Variants in UBR4 observed in about 807,000 individuals in gnomAD.
UBR4 encodes the protein ubiquitin protein ligase E3 component n-recognin 4.
A neutral mutation model predicts 575.6 loss-of-function variants in UBR4; 124 were observed. That is an observed-to-expected ratio of 0.22 (90% CI 0.19 to 0.25). UBR4 has a LOEUF of 0.25. Among genes scored for constraint, UBR4 ranks in the 10% least tolerant of loss-of-function variants. The pLI, the probability that UBR4 is intolerant of heterozygous loss-of-function variation, is 1.00. For synonymous variants in UBR4, 2,455 were observed against 2,473.7 expected, an observed-to-expected ratio of 0.99 and a Z score of 0.22; for missense variants, 4,818 against 6,478.8, an observed-to-expected ratio of 0.74 and a Z score of 8.80.
rs2078507003 is a variant in UBR4 at position 19,100,354 on chromosome 1, A to T, written c.13221+22T>A. ...GAAGCCCCTAATCGTAAACGTGGGC[A>T]GCACTGTCCTATGGTCATTACCTCC... On this transcript the variant is annotated intron_variant, in intron 89 of 105. Transcript: ENST00000375254. The surrounding 1 kb of genome is among the most constrained non-coding windows in gnomAD (Gnocchi z 4.2). The T allele has an allele frequency of 6.2e-7, 1 of 1,613,354 alleles. No individual in the cohort carries two copies. Among genetic ancestry groups the T allele is most frequent in the African/African-American group, 1.3e-5 (1 of 74,918 alleles).
At chr1:19,179,445 A>G (rs2090638890) in intron 17 of UBR4, among the ~76,000 whole-genome samples, 1 of 152,256 alleles carries the variant, frequency 6.6e-6, no homozygotes, top group African/African-American at 2.4e-5. Context: ...ATTAACATTT[A>G]TAGTTAATGA....
intron 42 of UBR4, among the ~76,000 whole-genome samples, chr1:19,155,874 A>T (rs1363507882): frequency 6.6e-6 from 1 of 152,246 alleles, no homozygotes; most frequent in Non-Finnish European, 1.5e-5. Flanking sequence ...GGACAGACAT[A>T]CATAAATAAA....
rs1384789151 is a variant in UBR4, at chr1:19,081,985, T to A, written c.15009-412A>T. 10 of 584,426 alleles carry A rather than the reference T, an allele frequency of 1.7e-5. No homozygotes were observed. In the East Asian group the frequency reaches 2.2e-4, roughly 13 times the overall value. 36.2% of individuals were successfully genotyped at this position (584,426 alleles called of 1,614,324 possible). ...CTAGTGAGTGATGGGGCCAAAAACA[T>A]GAATCAAGATTCCCTGGTGGGTCCA... On this transcript the variant is annotated intron_variant, in intron 102 of 105. Transcript: ENST00000375254.
intron 19 of UBR4, 130 bp downstream of exon 19, chr1:19,177,331 C>G: frequency 8.9e-7 from 1 of 1,120,824 alleles, no homozygotes; most frequent in Non-Finnish European, 1.3e-6. Flanking sequence ...TCCTCCTAAT[C>G]CTACCCATCA....
intron 64 of UBR4, among the ~76,000 whole-genome samples, chr1:19,126,193 C>G (rs1267088394): frequency 6.6e-6 from 1 of 152,148 alleles, no homozygotes; most frequent in African/African-American, 2.4e-5. Context: ...TTTTTCTAAA[C>G]TTAATGTGAA....
chr1:19,128,067 G>A (rs1399552112), intron 62 of UBR4, 144 bp downstream of exon 62: 21 of 797,886 alleles, frequency 2.6e-5, no homozygotes, highest in South Asian at 9.7e-5. Context: ...CCCTGAATAC[G>A]CTTTTGTTGA....
In UBR4 at chr1:19,146,805, G is replaced by A. The variant is rs747100640; in HGVS notation, c.7804+21C>T. The A allele has an allele frequency of 1.8e-5, 29 of 1,605,816 alleles. No individual in the cohort carries two copies. The East Asian group carries it at 3.1e-4, about 17-fold the overall frequency. On this transcript the variant is annotated intron_variant, in intron 52 of 105. Coordinates refer to ENST00000375254, the MANE Select transcript of UBR4 (RefSeq NM_020765.3). ...CATATGAAGCAGATCTCAGGACCACGGCCACAGAGGCCAAGTTCACCTGTT... is the reference window on the plus strand; with the variant it reads ...CATATGAAGCAGATCTCAGGACCACAGCCACAGAGGCCAAGTTCACCTGTT...
At chr1:19,156,523 C>T (rs1219724142) in intron 41 of UBR4, 100 bp from the exon 42 acceptor site, 16 of 1,440,018 alleles carry the variant, frequency 1.1e-5, no homozygotes, top group Non-Finnish European at 1.5e-5. Flanking sequence ...CTAATATCCC[C>T]TGCCTTCAGA....
chr1:19,201,179 AT>A (rs535731639), intron 2 of UBR4, among the ~76,000 whole-genome samples: 89 of 152,324 alleles, frequency 5.8e-4, no homozygotes, highest in African/African-American at 2.1e-3. Context: ...CTTCAGAACT[AT>A]TTGAGTCAAG....
At position 19,124,577 on chromosome 1, in the gene UBR4, A is replaced by T. The variant is rs778777908; in HGVS notation, c.9552T>A (p.Pro3184=). The change falls in exon 65 of 106, where the codon CCT becomes CCA. Residue 3184 remains proline (P), a synonymous_variant. Coordinates refer to ENST00000375254, the MANE Select transcript of UBR4 (RefSeq NM_020765.3). ...ITDTNSRIPP[P]VFDHSWFYFL... Reference sequence around the variant, plus strand: ...AGTAAAACCACGAGTGGTCAAAGACAGGAGGTGGGATTCGAGAATTGGTGT... The same window carrying T: ...AGTAAAACCACGAGTGGTCAAAGACTGGAGGTGGGATTCGAGAATTGGTGT... 1 of 1,614,204 alleles carries T rather than the reference A, an allele frequency of 6.2e-7. No individual in the cohort carries two copies. The highest frequency in any genetic ancestry group is 8.5e-7 in the Non-Finnish European group (1 of 1,180,018).
Position 19,100,705 on chromosome 1 carries a change from A to G in UBR4, c.13024-132T>C, listed in dbSNP as rs1195275675. The stretch of plus-strand genomic sequence containing the variant: ...AGCCCCCCAAACATTTAAAGATACA[A>G]AGGACAGGAAACTCAGAGGTACTTC... On this transcript the variant is annotated intron_variant, in intron 88 of 105. Coordinates refer to ENST00000375254, the MANE Select transcript of UBR4 (RefSeq NM_020765.3). This position sits in a 1 kb window ranked among gnomAD's most constrained non-coding sequence, Gnocchi z 4.2. 4.8e-6 allele frequency: 4 copies of G among 829,034 alleles called. No homozygotes were observed. The highest frequency in any genetic ancestry group is 1.7e-5 in the African/African-American group (1 of 58,068). 51.4% of individuals were successfully genotyped at this position (829,034 alleles called of 1,614,324 possible). A position where few individuals can be genotyped will look rare whatever the true frequency, so the allele number is the denominator to read the frequency against.
rs963515836 is a variant in UBR4, at chr1:19,160,056, C to G, written c.5577+55G>C. The G allele has an allele frequency of 6.3e-6, 10 of 1,582,954 alleles. No homozygotes were observed. In the African/African-American group the frequency reaches 1.4e-4, roughly 21 times the overall value. ...GAGCATCTAGCACATTTTGGGATCTCAATAAATTTGTTGGTTCCCACAGCC... is the reference window on the plus strand; with the variant it reads ...GAGCATCTAGCACATTTTGGGATCTGAATAAATTTGTTGGTTCCCACAGCC... On this transcript the variant is annotated intron_variant, in intron 39 of 105. Coordinates refer to ENST00000375254, the MANE Select transcript of UBR4 (RefSeq NM_020765.3).
At position 19,112,578 on chromosome 1, in the gene UBR4, C is replaced by A. The variant is rs1189556087; in HGVS notation, c.11747G>T (p.Arg3916Leu). The A allele has an allele frequency of 6.2e-7, 1 of 1,614,160 alleles. No homozygotes were observed. Among genetic ancestry groups the A allele is most frequent in the East Asian group, 2.2e-5 (1 of 44,888 alleles). Residue 3916 changes from arginine to leucine, a missense_variant, in exon 78 of 106, where the codon CGA becomes CTA. Physicochemically the swap from Arg to Leu is moderately radical, Grantham distance 102. Coordinates refer to ENST00000375254, the MANE Select transcript of UBR4 (RefSeq NM_020765.3). ...CTCCTCCCGCATGGCCGCAGCCCCT[C>A]GGCGAAGATTATAATCAAAGAGCTC... is the stretch of plus-strand genomic sequence containing the variant. Reference protein sequence around the residue: ...IRELFDYNLRRGAAAMREEVR... With the variant: ...IRELFDYNLRLGAAAMREEVR...
At chr1:19,125,162 T>C (rs986024362) in intron 64 of UBR4, among the ~76,000 whole-genome samples, 1 of 152,206 alleles carries the variant, frequency 6.6e-6, no homozygotes, top group African/African-American at 2.4e-5. Flanking sequence ...CCTGGCTTCA[T>C]GTAACACAAA....
At chr1:19,147,389 G>T (rs769311575) in intron 51 of UBR4, among the ~76,000 whole-genome samples, 57 of 152,274 alleles carry the variant, frequency 3.7e-4, no homozygotes, top group Non-Finnish European at 6.3e-4. Context: ...ACATTTCTCA[G>T]TTCTCCGGGT....
chr1:19,096,273 C>T (rs1056085209), intron 92 of UBR4, among the ~76,000 whole-genome samples: 4 of 152,140 alleles, frequency 2.6e-5, no homozygotes, highest in African/African-American at 7.2e-5. Flanking sequence ...ACAAGTGCAG[C>T]TATTTGGGGA....
Position 19,100,369 on chromosome 1 carries a change from T to C in UBR4, c.13221+7A>G. 1.9e-6 allele frequency: 3 copies of C among 1,613,974 alleles called. No homozygotes were observed. Among genetic ancestry groups the C allele is most frequent in the Non-Finnish European group, 2.5e-6 (3 of 1,179,998 alleles). On this transcript the variant is annotated splice_region_variant and intron_variant, in intron 89 of 105. Transcript: ENST00000375254. The surrounding 1 kb of genome is among the most constrained non-coding windows in gnomAD (Gnocchi z 4.2). ...AAACGTGGGCAGCACTGTCCTATGG[T>C]CATTACCTCCATGCCACTGTCATCT...
Position 19,134,079 on chromosome 1 carries a change from CTG to C in UBR4, c.8906+3926_8906+3927del, listed in dbSNP as rs1256237543. Among the ~76,000 whole-genome samples, 115 of 103,390 alleles carry C rather than the reference CTG, an allele frequency of 1.1e-3. 2 individuals carry two copies. In the South Asian group the frequency reaches 0.038, roughly 34 times the overall value. 67.8% of individuals were successfully genotyped at this position (103,390 alleles called of 152,430 possible). ...CCAGCCTGGGCAAGAGAGTGAGACT[CTG>C]TCTCTAAAAAAAAAAAAAAAAAAAA... On this transcript the variant is annotated intron_variant, in intron 60 of 105. Coordinates refer to ENST00000375254, the MANE Select transcript of UBR4 (RefSeq NM_020765.3).
In UBR4 at chr1:19,164,979, G is replaced by A. The variant is rs761514484; in HGVS notation, c.4331C>T (p.Pro1444Leu). 8.7e-6 allele frequency: 14 copies of A among 1,613,864 alleles called. No individual in the cohort carries two copies. Among genetic ancestry groups the A allele is most frequent in the Non-Finnish European group, 1.0e-5 (12 of 1,179,944 alleles). Reference protein sequence around the residue: ...LFQLTEKSPNPSLLHLCGSLA... With the variant: ...LFQLTEKSPNLSLLHLCGSLA... ...GGAGCCACAGAGATGCAACAGGCTC[G>A]GGTTAGGGCTCTTCTCAGCTAGGAG... is the stretch of plus-strand genomic sequence containing the variant. Residue 1444 changes from proline (P) to leucine (L), a missense_variant, in exon 32 of 106, where the codon CCG (proline) becomes CTG (leucine). Physicochemically the swap from Pro to Leu is moderately conservative, Grantham distance 98. This residue lies in a region of UBR4 where 1,172 missense variants were observed against 1,259.7 expected (regional missense o/e 0.93). Coordinates refer to ENST00000375254, the MANE Select transcript of UBR4 (RefSeq NM_020765.3).
Sources: allele counts gnomAD v4.1 joint callset (sites outside exome capture counted in the v4.1 genomes callset), GRCh38; gene constraint gnomAD v4.1.1; regional missense constraint gnomAD v4.1.1; non-coding constraint Gnocchi (gnomAD v3.1); transcripts MANE v1.5; gene names NCBI Gene and HGNC (gene_info 2026-07-23, HGNC 2026-07-21).